The following MYCT1 variants were observed in gnomAD, a reference collection of about 807,000 sequenced individuals.
The protein encoded by MYCT1 is MYC target 1, also known as myc target protein 1.
In MYCT1, 12 loss-of-function variants were observed where a neutral mutation model predicts 15.0. The observed-to-expected ratio is 0.80, with a 90% confidence interval of 0.51 to 1.29. The LOEUF is 1.29. Ranked by LOEUF, MYCT1 falls within the 50% of genes most tolerant of loss-of-function variation. MYCT1 has a pLI of 0.00. For synonymous variants in MYCT1, 104 were observed against 102.7 expected (o/e 1.01, Z -0.07); for missense variants, 287 against 279.1 (o/e 1.03, Z -0.20).
At chr6:152,716,222 A>G (rs1205912942) in intron 1 of MYCT1, among the ~76,000 whole-genome samples, 3 of 152,152 alleles carry the variant, frequency 2.0e-5, no homozygotes, top group Non-Finnish European at 4.4e-5. Context: ...CATGAGATAT[A>G]ATGGAAAATA....
chr6:152,724,847 T>TA (rs939244708), downstream of MYCT1, among the ~76,000 whole-genome samples: 12 of 151,928 alleles, frequency 7.9e-5, no homozygotes, highest in Non-Finnish European at 1.8e-4. Context: ...AAATAAATTT[T>TA]ACAAGATTTT....
At chr6:152,707,365 C>T (rs1181009243) in intron 1 of MYCT1, among the ~76,000 whole-genome samples, 1 of 151,974 alleles carries the variant, frequency 6.6e-6, no homozygotes, top group South Asian at 2.1e-4. Flanking sequence ...TGTTTTCTTG[C>T]TTTTGTGTTG....
At chr6:152,708,201 A>G (rs1193420005) in intron 1 of MYCT1, among the ~76,000 whole-genome samples, 1 of 151,984 alleles carries the variant, frequency 6.6e-6, no homozygotes, top group East Asian at 1.9e-4. Context: ...TCTTGCATAC[A>G]TTTTGTAAAA....
chr6:152,705,025 G>A (rs2099722015), intron 1 of MYCT1, among the ~76,000 whole-genome samples: 1 of 151,994 alleles, frequency 6.6e-6, no homozygotes. Context: ...CAAATCACTG[G>A]CAATCATCAT....
At chr6:152,698,156 C>A (rs1448099126) in intron 1 of MYCT1, 58 bp downstream of exon 1, 2 of 980,380 alleles carry the variant, frequency 2.0e-6, no homozygotes, top group Non-Finnish European at 2.9e-6. Context: ...AAATGCACTG[C>A]GTGATTATTA....
intron 1 of MYCT1, among the ~76,000 whole-genome samples, chr6:152,704,799 A>G (rs1485360554): frequency 2.0e-5 from 3 of 152,198 alleles, no homozygotes; most frequent in African/African-American, 7.2e-5. Flanking sequence ...ATATTATAAA[A>G]TGATTACCAC....
chr6:152,699,706 AT>A (rs1462525545), intron 1 of MYCT1, among the ~76,000 whole-genome samples: 1 of 152,124 alleles, frequency 6.6e-6, no homozygotes, highest in Non-Finnish European at 1.5e-5. Flanking sequence ...AAGTCAATCT[AT>A]TTTTTTCAAA....
intron 1 of MYCT1, among the ~76,000 whole-genome samples, chr6:152,698,482 C>A (rs1338471816): frequency 6.6e-6 from 1 of 151,918 alleles, no homozygotes; most frequent in East Asian, 1.9e-4. Flanking sequence ...AATTAACTTT[C>A]ATTTGTTTGA....
chr6:152,723,850 C>T lies in MYCT1; in HGVS notation c.*1597C>T, dbSNP rs1361449985. The T allele has an allele frequency of 2.6e-5, 4 of 152,070 alleles. No individual in the cohort carries two copies. Among genetic ancestry groups the T allele is most frequent in the South Asian group, 4.1e-4 (2 of 4,820 alleles). The allele number at this position is 152,070 out of a possible 1,614,324, so 9.4% of individuals were successfully genotyped here. A position where few individuals can be genotyped will look rare whatever the true frequency, so the allele number is the denominator to read the frequency against. The stretch of plus-strand genomic sequence containing the variant: ...ATTGTGAATATTTAGTTTATGTGGC[C>T]GTTTCTTTGTTTCTTTGAACAGTGG... On this transcript the variant is annotated 3_prime_UTR_variant, in exon 2 of 2. Coordinates refer to ENST00000367245, the MANE Select transcript of MYCT1 (RefSeq NM_025107.3).
chr6:152,698,889 C>T (rs939412439), intron 1 of MYCT1, among the ~76,000 whole-genome samples: 1 of 152,062 alleles, frequency 6.6e-6, no homozygotes, highest in Non-Finnish European at 1.5e-5. Flanking sequence ...GTGCTGAGGT[C>T]AAAACTCAGT....
Position 152,698,655 on chromosome 6 carries a change from T to A in MYCT1, c.196+557T>A, listed in dbSNP as rs369615771. Among the ~76,000 whole-genome samples, 4 of 152,098 alleles carry A rather than the reference T, an allele frequency of 2.6e-5. No individual in the cohort carries two copies. The East Asian group carries it at 5.8e-4, about 22-fold the overall frequency. On this transcript the variant is annotated intron_variant, in intron 1 of 1. Coordinates refer to ENST00000367245, the MANE Select transcript of MYCT1 (RefSeq NM_025107.3). Reference sequence around the variant, plus strand: ...AGTGCAATAACACAGGTAAAATAAATGAATGACTTTAGAGTATAACAAATA... The same window carrying A: ...AGTGCAATAACACAGGTAAAATAAAAGAATGACTTTAGAGTATAACAAATA...
At chr6:152,746,556 A>G in the MYCT1 span, among the ~76,000 whole-genome samples, 1 of 152,354 alleles carries the variant, frequency 6.6e-6, no homozygotes, top group Non-Finnish European at 1.5e-5. Flanking sequence ...GGAAAGAGAA[A>G]CTGCAGATAA....
intron 1 of MYCT1, among the ~76,000 whole-genome samples, chr6:152,712,852 C>T (rs1165419206): frequency 1.3e-5 from 2 of 151,416 alleles, no homozygotes; most frequent in African/African-American, 2.4e-5. Flanking sequence ...TTTTTGTTAA[C>T]CTTTGATCTT....
intron 1 of MYCT1, among the ~76,000 whole-genome samples, chr6:152,701,023 A>G (rs1267920871): frequency 2.0e-5 from 3 of 152,212 alleles, no homozygotes; most frequent in Non-Finnish European, 2.9e-5. Flanking sequence ...ACAAGATAAC[A>G]TATGATAAAA....
chr6:152,734,931 A>T, the MYCT1 span, among the ~76,000 whole-genome samples: 2 of 152,204 alleles, frequency 1.3e-5, no homozygotes, highest in African/African-American at 2.4e-5. Context: ...AAATGCATTT[A>T]CTGGAAATTT....
the MYCT1 span, among the ~76,000 whole-genome samples, chr6:152,738,949 G>A: frequency 6.6e-6 from 1 of 151,716 alleles, no homozygotes; most frequent in African/African-American, 2.4e-5. Flanking sequence ...AGAAACAAAG[G>A]TATTTCAATT....
chr6:152,731,921 A>G, the MYCT1 span, among the ~76,000 whole-genome samples: 1 of 151,942 alleles, frequency 6.6e-6, no homozygotes, highest in Non-Finnish European at 1.5e-5. Context: ...GCCAATTTTT[A>G]TATTTTTTAT....
chr6:152,728,591 C>A (rs947182431), downstream of MYCT1, among the ~76,000 whole-genome samples: 1 of 151,938 alleles, frequency 6.6e-6, no homozygotes, highest in Admixed American at 6.6e-5. Flanking sequence ...AAACTAAAAA[C>A]TCCTATTAAG....
chr6:152,730,922 T>C, the MYCT1 span, among the ~76,000 whole-genome samples: 8 of 152,190 alleles, frequency 5.3e-5, no homozygotes, highest in Non-Finnish European at 1.2e-4. Context: ...AAATTAAATA[T>C]AGATGATCTC....
Sources: allele counts gnomAD v4.1 joint callset (sites outside exome capture counted in the v4.1 genomes callset), GRCh38; gene constraint gnomAD v4.1.1; transcripts MANE v1.5; gene names NCBI Gene and HGNC (gene_info 2026-07-23, HGNC 2026-07-21).